The following LRGUK variants were observed in gnomAD, a reference collection of about 807,000 sequenced individuals.
The protein encoded by LRGUK is leucine rich repeats and guanylate kinase domain containing, also known as leucine-rich repeat and guanylate kinase domain-containing protein.
A neutral mutation model predicts 76.0 loss-of-function variants in LRGUK; 65 were observed. The ratio of observed to expected loss-of-function variants is 0.85; its 90% CI spans 0.70 to 1.05. The LOEUF (loss-of-function observed/expected upper bound fraction) is 1.05, where lower values mean the gene tolerates loss of function less well. Among genes scored for constraint, LRGUK ranks in the 50% least tolerant of loss-of-function variants. The pLI, the probability that LRGUK is intolerant of heterozygous loss-of-function variation, is 0.00. For synonymous variants in LRGUK, 268 were observed against 265.6 expected (o/e 1.01, Z -0.09); for missense variants, 758 against 732.8 (o/e 1.03, Z -0.40).
intron 13 of LRGUK, among the ~76,000 whole-genome samples, chr7:134,198,532 T>C (rs1800613943): frequency 1.3e-5 from 2 of 152,198 alleles, no homozygotes; most frequent in African/African-American, 2.4e-5. Context: ...TGAAACTGAT[T>C]GAGATGGACG....
At chr7:134,229,874 C>T (rs1317933659) in intron 16 of LRGUK, among the ~76,000 whole-genome samples, 11 of 152,022 alleles carry the variant, frequency 7.2e-5, no homozygotes, top group Non-Finnish European at 1.3e-4. Context: ...CCTGATCTCA[C>T]ACCATATATA....
At chr7:134,230,592 C>G (rs1435360772) in intron 16 of LRGUK, among the ~76,000 whole-genome samples, 1 of 152,108 alleles carries the variant, frequency 6.6e-6, no homozygotes, top group African/African-American at 2.4e-5. Context: ...TTCACATGTC[C>G]ATCAGCAGTA....
chr7:134,219,252 G>A (rs4732010), intron 15 of LRGUK, among the ~76,000 whole-genome samples: 7,803 of 152,174 alleles, frequency 0.051, 426 homozygotes, highest in East Asian at 0.15. Flanking sequence ...AGTCTTTATT[G>A]TAGGAGTTCA....
intron 7 of LRGUK, among the ~76,000 whole-genome samples, chr7:134,166,952 A>T (rs17167568): frequency 0.13 from 20,037 of 152,160 alleles, 1,663 homozygotes; most frequent in East Asian, 0.32. Context: ...AAGTGAATTT[A>T]ATTTCTCTCT....
chr7:134,238,414 C>G (rs954482614), intron 16 of LRGUK, among the ~76,000 whole-genome samples: 1 of 151,900 alleles, frequency 6.6e-6, no homozygotes, highest in Non-Finnish European at 1.5e-5. Flanking sequence ...CTCTTGAGTC[C>G]TTTTTTACCT....
intron 7 of LRGUK, among the ~76,000 whole-genome samples, chr7:134,171,491 T>A (rs981455905): frequency 1.3e-5 from 2 of 152,064 alleles, no homozygotes; most frequent in African/African-American, 4.8e-5. Context: ...AGTTTTTTTT[T>A]AAAGAAAAGA....
At chr7:134,215,371 C>A (rs937020583) in intron 15 of LRGUK, among the ~76,000 whole-genome samples, 11 of 152,172 alleles carry the variant, frequency 7.2e-5, no homozygotes, top group African/African-American at 2.7e-4. Context: ...GAAAACCCTG[C>A]ACTGAGTGCC....
At chr7:134,132,936 C>T (rs1797374071) in intron 1 of LRGUK, among the ~76,000 whole-genome samples, 1 of 152,152 alleles carries the variant, frequency 6.6e-6, no homozygotes, top group Non-Finnish European at 1.5e-5. Flanking sequence ...AGGCACTGCA[C>T]AGCTTGAGAG....
intron 15 of LRGUK, among the ~76,000 whole-genome samples, chr7:134,204,204 CTG>C (rs1440492904): frequency 2.0e-5 from 3 of 152,216 alleles, no homozygotes; most frequent in Non-Finnish European, 4.4e-5. Flanking sequence ...GAGTCCGTCT[CTG>C]TATCTTTTCT....
intron 2 of LRGUK, 115 bp from the exon 3 acceptor site, chr7:134,139,321 T>C (rs1797667143): frequency 1.5e-6 from 1 of 667,736 alleles, no homozygotes. Flanking sequence ...TTCTCTCTCT[T>C]CTTCTATACT....
At chr7:134,263,290 C>T (rs1802783228) in intron 19 of LRGUK, among the ~76,000 whole-genome samples, 1 of 148,878 alleles carries the variant, frequency 6.7e-6, no homozygotes, top group East Asian at 1.9e-4. Flanking sequence ...CTAAACTCCT[C>T]CTGCTTCCCA....
At position 134,129,177 on chromosome 7, in the gene LRGUK, TCTTC is replaced by T. The variant is rs544380928; in HGVS notation, c.297+1528_297+1531del. On this transcript the variant is annotated intron_variant, in intron 1 of 15. Transcript: ENST00000645682. ...CTCTTTCTTTCTTTCTTTCGTTTTT[TCTTC>T]CTTCCTTCCTTCCTCCCTCCCTTCC... 5.3e-4 allele frequency among the ~76,000 whole-genome samples: 68 copies of T among 128,522 alleles called. 1 individual carries two copies. In the East Asian group the frequency reaches 5.5e-3, roughly 10 times the overall value. 84.3% of individuals were successfully genotyped at this position (128,522 alleles called of 152,430 possible). A position where few individuals can be genotyped will look rare whatever the true frequency, so the allele number is the denominator to read the frequency against.
chr7:134,167,880 CT>C (rs1212636724), intron 7 of LRGUK, among the ~76,000 whole-genome samples: 2 of 152,134 alleles, frequency 1.3e-5, no homozygotes, highest in Non-Finnish European at 2.9e-5. Context: ...TTCTTTATCC[CT>C]TTACACTGTT....
chr7:134,266,036 G>T (rs1802848575), downstream of LRGUK, among the ~76,000 whole-genome samples: 1 of 152,138 alleles, frequency 6.6e-6, no homozygotes, highest in African/African-American at 2.4e-5. Context: ...AGGCATCACT[G>T]CCCTCTTTCC....
At chr7:134,221,855 T>A in exon 16 of LRGUK, 1 of 1,602,962 alleles carries the variant, frequency 6.2e-7, no homozygotes, top group Non-Finnish European at 8.5e-7. Context: ...ATTTCCTGCA[T>A]TCTACAGACA....
intron 5 of LRGUK, among the ~76,000 whole-genome samples, chr7:134,151,312 A>G (rs543985694): frequency 4.6e-5 from 7 of 152,278 alleles, no homozygotes; most frequent in Non-Finnish European, 8.8e-5. Flanking sequence ...CTTGGATGAA[A>G]TACAAAAATT....
chr7:134,148,208 T>C, intron 4 of LRGUK, 30 bp from the exon 5 acceptor site: 1 of 1,355,830 alleles, frequency 7.4e-7, no homozygotes, highest in African/African-American at 1.5e-5. Context: ...GAAATATTAA[T>C]ATAACATCTT....
In LRGUK at chr7:134,156,344, G is replaced by T. The variant is rs998675331; in HGVS notation, c.671-1691G>T. On this transcript the variant is annotated intron_variant, in intron 5 of 15. Coordinates refer to ENST00000645682, the Ensembl canonical transcript of LRGUK. ...TCTAGGTAGAATCTTTTGTCTGCTA[G>T]TATATATTGTGAATATGGTCTCCTA... 9.5e-4 allele frequency among the ~76,000 whole-genome samples: 144 copies of T among 151,904 alleles called. 4 individuals carry two copies. The highest frequency in any genetic ancestry group is 9.4e-3 in the Admixed American group (144 of 15,248).
chr7:134,156,026 T>C (rs1412851807), intron 5 of LRGUK, among the ~76,000 whole-genome samples: 3 of 152,254 alleles, frequency 2.0e-5, no homozygotes, highest in African/African-American at 7.2e-5. Context: ...ACAGTTATGA[T>C]AGACATTGCA....
Sources: gnomAD v4.1 joint callset for allele counts (sites outside exome capture counted in the v4.1 genomes callset) on GRCh38, gnomAD v4.1.1 for gene constraint, MANE v1.5 for transcripts, NCBI Gene and HGNC (gene_info 2026-07-23, HGNC 2026-07-21) for gene names.